The following GRID1 variants were observed in gnomAD, a reference collection of about 807,000 sequenced individuals.
GRID1 encodes the protein glutamate receptor ionotropic, delta-1.
A neutral mutation model predicts 98.0 loss-of-function variants in GRID1; 28 were observed. The observed-to-expected ratio is 0.29, with a 90% CI of 0.21 to 0.39. The LOEUF (loss-of-function observed/expected upper bound fraction) is 0.39, where lower values mean the gene tolerates loss of function less well. Among genes scored for constraint, GRID1 ranks in the 10% least tolerant of loss-of-function variants. GRID1 has a pLI of 1.00. For missense variants in GRID1, 1,111 were observed against 1,340.5 expected (o/e 0.83, Z 2.67); for synonymous variants, 553 against 538.5 (o/e 1.03, Z -0.37).
At chr10:85,667,778 C>A (rs761273093) in intron 12 of GRID1, among the ~76,000 whole-genome samples, 2 of 152,178 alleles carry the variant, frequency 1.3e-5, no homozygotes, top group African/African-American at 2.4e-5. Context: ...ATGAGTCCAG[C>A]CTGTTCGTGT....
At chr10:85,857,582 G>A (rs576507708) in intron 6 of GRID1, among the ~76,000 whole-genome samples, 13 of 152,246 alleles carry the variant, frequency 8.5e-5, no homozygotes, top group East Asian at 7.7e-4. Context: ...GCGAGGTAGC[G>A]TCCACCCTCA....
intron 2 of GRID1, among the ~76,000 whole-genome samples, chr10:86,352,068 C>T (rs943748563): frequency 3.9e-5 from 6 of 152,118 alleles, no homozygotes; most frequent in South Asian, 2.1e-4. Context: ...TTTAGGAGGC[C>T]GAGGCGAGCG....
chr10:86,211,704 G>T (rs1349842543), intron 2 of GRID1, among the ~76,000 whole-genome samples: 1 of 150,570 alleles, frequency 6.6e-6, no homozygotes, highest in African/African-American at 2.4e-5. Context: ...TGATTTCCCT[G>T]GTTAAAAAAA....
chr10:86,321,721 C>T (rs1221345623), intron 2 of GRID1, among the ~76,000 whole-genome samples: 5 of 152,116 alleles, frequency 3.3e-5, no homozygotes, highest in Non-Finnish European at 1.5e-5. Flanking sequence ...AAAGCAACTG[C>T]CCGCAGGCAG....
At chr10:85,831,175 G>A (rs774579498) in intron 8 of GRID1, among the ~76,000 whole-genome samples, 1 of 152,048 alleles carries the variant, frequency 6.6e-6, no homozygotes, top group Non-Finnish European at 1.5e-5. Context: ...AGATGGAGAT[G>A]GAGGCCATTT....
chr10:85,772,637 G>C (rs1842284137), intron 8 of GRID1, among the ~76,000 whole-genome samples: 1 of 151,994 alleles, frequency 6.6e-6, no homozygotes, highest in Admixed American at 6.5e-5. Flanking sequence ...ATGATAAAAG[G>C]GATATCACCA....
chr10:85,643,727 T>A (rs896401892), intron 13 of GRID1, among the ~76,000 whole-genome samples: 1 of 152,160 alleles, frequency 6.6e-6, no homozygotes, highest in Non-Finnish European at 1.5e-5. Flanking sequence ...GTCAGTTTTT[T>A]TTTTCTTAGA....
chr10:86,007,955 G>A (rs1485794366), intron 4 of GRID1, among the ~76,000 whole-genome samples: 2 of 152,006 alleles, frequency 1.3e-5, no homozygotes, highest in African/African-American at 2.4e-5. Context: ...GACCACAAAC[G>A]TTTCATGATG....
chr10:85,838,130 T>C (rs988911134), intron 8 of GRID1, among the ~76,000 whole-genome samples: 1 of 151,774 alleles, frequency 6.6e-6, no homozygotes, highest in Non-Finnish European at 1.5e-5. Context: ...TAAAAAGAAA[T>C]GAACAAAACC....
At chr10:85,894,789 C>G (rs1490042097) in intron 5 of GRID1, among the ~76,000 whole-genome samples, 1 of 151,860 alleles carries the variant, frequency 6.6e-6, no homozygotes, top group Non-Finnish European at 1.5e-5. Context: ...AGGCAGATCA[C>G]TTGAGGTCAA....
At chr10:86,106,929 G>A (rs1442441328) in intron 4 of GRID1, among the ~76,000 whole-genome samples, 1 of 152,068 alleles carries the variant, frequency 6.6e-6, no homozygotes, top group Non-Finnish European at 1.5e-5. Flanking sequence ...AGGAGGTGAG[G>A]AGAGAGGTGA....
intron 2 of GRID1, among the ~76,000 whole-genome samples, chr10:86,300,264 T>G (rs1847662376): frequency 6.6e-6 from 1 of 151,650 alleles, no homozygotes; most frequent in Admixed American, 6.6e-5. Flanking sequence ...ACATTTCTGT[T>G]GTTGTAAGCC....
intron 5 of GRID1, among the ~76,000 whole-genome samples, chr10:85,876,799 G>A (rs980028484): frequency 1.3e-5 from 2 of 152,218 alleles, no homozygotes; most frequent in Non-Finnish European, 2.9e-5. Context: ...CCGAAGGAGG[G>A]CGAGGCATTG....
In GRID1 at chr10:85,599,779, A is replaced by G. The variant is rs1441725216; in HGVS notation, c.*2494T>C. The G allele has an allele frequency of 2.3e-5, 3 of 128,420 alleles. No individual in the cohort carries two copies. Among genetic ancestry groups the G allele is most frequent in the African/African-American group, 6.2e-5 (2 of 32,130 alleles). 8.0% of individuals were successfully genotyped at this position (128,420 alleles called of 1,614,324 possible). On this transcript the variant is annotated 3_prime_UTR_variant, in exon 16 of 16. Coordinates refer to ENST00000327946, the MANE Select transcript of GRID1 (RefSeq NM_017551.3). ...AATCATTTCCCCTCATGCCAAGGGT[A>G]GAAAATTCTAAAAAAAAAAAAAAAT...
At chr10:86,009,786 T>A (rs1589335072) in intron 4 of GRID1, among the ~76,000 whole-genome samples, 1 of 152,202 alleles carries the variant, frequency 6.6e-6, no homozygotes, top group East Asian at 1.9e-4. Flanking sequence ...CAGAGGTCTG[T>A]AAACTTCCTA....
intron 2 of GRID1, among the ~76,000 whole-genome samples, chr10:86,329,000 T>C (rs1323416907): frequency 1.3e-5 from 2 of 152,118 alleles, no homozygotes; most frequent in African/African-American, 4.8e-5. Context: ...GGACTGAGTG[T>C]CTTTCAAGCC....
chr10:86,219,426 G>A (rs1846221338), intron 2 of GRID1, among the ~76,000 whole-genome samples: 1 of 152,198 alleles, frequency 6.6e-6, no homozygotes, highest in Admixed American at 6.5e-5. Context: ...TCCCTCCACA[G>A]ACGCCGCCCC....
At chr10:86,078,847 T>C (rs145635470) in intron 4 of GRID1, among the ~76,000 whole-genome samples, 161 of 152,340 alleles carry the variant, frequency 1.1e-3, no homozygotes, top group African/African-American at 3.7e-3. Context: ...GCACCCAGCA[T>C]GGATGCCCCT....
At chr10:85,997,759 G>C (rs973647601) in intron 4 of GRID1, among the ~76,000 whole-genome samples, 1 of 151,896 alleles carries the variant, frequency 6.6e-6, no homozygotes, top group South Asian at 2.1e-4. Flanking sequence ...TAAACATATC[G>C]ATCAAAAATT....
Sources: gnomAD v4.1 joint callset for allele counts (sites outside exome capture counted in the v4.1 genomes callset) on GRCh38, gnomAD v4.1.1 for gene constraint, MANE v1.5 for transcripts, NCBI Gene and HGNC (gene_info 2026-07-23, HGNC 2026-07-21) for gene names.